GSTA3: variants seen among roughly 807,000 people sequenced by gnomAD.
The protein encoded by GSTA3 is glutathione S-transferase A3.
A neutral mutation model predicts 23.1 loss-of-function variants in GSTA3; 16 were observed. The observed-to-expected ratio is 0.69, with a 90% CI of 0.47 to 1.05. GSTA3 has a LOEUF of 1.05. GSTA3 is among the 50% of genes least tolerant of loss of function. The probability of loss-of-function intolerance (pLI) is 0.00; values close to 1 mark genes in which losing one functional copy is unlikely to be tolerated. For synonymous variants in GSTA3, 122 were observed against 91.0 expected, an observed-to-expected ratio of 1.34 and a Z score of -1.94; for missense variants, 319 against 263.6, an observed-to-expected ratio of 1.21 and a Z score of -1.46.
intron 3 of GSTA3, 32 bp downstream of exon 3, chr6:52,903,644 C>T (rs779097300): frequency 1.7e-6 from 2 of 1,209,406 alleles, no homozygotes; most frequent in Admixed American, 3.5e-5. Context: ...ACTAGATACC[C>T]TCATCAGAGG....
At chr6:52,905,914 G>A (rs1376713311) in intron 1 of GSTA3, 59 bp from the exon 2 acceptor site, 29 of 771,156 alleles carry the variant, frequency 3.8e-5, no homozygotes, top group Non-Finnish European at 6.0e-5. Flanking sequence ...GAAGCAAAAT[G>A]CACGCTAGTA....
intron 5 of GSTA3, 63 bp from the exon 6 acceptor site, chr6:52,898,019 C>A (rs1057135810): frequency 1.4e-5 from 23 of 1,588,960 alleles, no homozygotes; most frequent in Admixed American, 1.2e-4. Flanking sequence ...CCCTGCTTCT[C>A]CCTGAGTCTT....
intron 2 of GSTA3, among the ~76,000 whole-genome samples, 200 bp downstream of exon 2, chr6:52,905,548 C>T (rs1765862321): frequency 6.6e-6 from 1 of 151,460 alleles, no homozygotes; most frequent in Non-Finnish European, 1.5e-5. Flanking sequence ...TTCATGTGTT[C>T]TTTTTCATGT....
At chr6:52,905,620 A>T (rs1464168197) in intron 2 of GSTA3, 128 bp downstream of exon 2, 4 of 531,654 alleles carry the variant, frequency 7.5e-6, no homozygotes, top group South Asian at 7.1e-5. Context: ...TTAAAAAAAT[A>T]ACTGGGGATG....
chr6:52,898,365 T>C (rs1416966097), intron 5 of GSTA3, among the ~76,000 whole-genome samples: 4 of 152,154 alleles, frequency 2.6e-5, no homozygotes, highest in African/African-American at 7.2e-5. Context: ...TCCACCTTCA[T>C]GACAGCACTC....
rs1475058695 is a variant in GSTA3, at chr6:52,909,632, A to G, written c.-22+9T>C. ...AACATTTATGAAGATGTTTAAGGTCAATACTAACTTGAGTAAAGTCTAGCC... is the reference window on the plus strand; with the variant it reads ...AACATTTATGAAGATGTTTAAGGTCGATACTAACTTGAGTAAAGTCTAGCC... On this transcript the variant is annotated intron_variant, in intron 1 of 6. Transcript: ENST00000211122. The G allele has an allele frequency of 6.6e-6, 1 of 152,210 alleles. No individual in the cohort carries two copies. The highest frequency in any genetic ancestry group is 1.5e-5 in the Non-Finnish European group (1 of 68,048). The allele number at this position is 152,210 out of a possible 1,614,324, so 9.4% of individuals were successfully genotyped here.
At chr6:52,903,593 TC>T (rs1765775273) in intron 3 of GSTA3, 82 bp downstream of exon 3, 1,655 of 679,442 alleles carry the variant, frequency 2.4e-3, no homozygotes, top group Middle Eastern at 6.1e-3. Flanking sequence ...CGAGACTCCG[TC>T]AAAAAAAAAA....
Position 52,906,462 on chromosome 6 carries a change from T to A in GSTA3, c.-21-607A>T, listed in dbSNP as rs375166423. On this transcript the variant is annotated intron_variant, in intron 1 of 6. Coordinates refer to ENST00000211122, the MANE Select transcript of GSTA3 (RefSeq NM_000847.5). Reference sequence around the variant, plus strand: ...TTTCTTCACAGAATTGGAAAAAACTTCTTTAAAGTTCATATGGAACAAAAA... The same window carrying A: ...TTTCTTCACAGAATTGGAAAAAACTACTTTAAAGTTCATATGGAACAAAAA... Among the ~76,000 whole-genome samples the A allele has an allele frequency of 1.4e-4, 21 of 152,270 alleles. No individual in the cohort carries two copies. The East Asian group carries it at 2.9e-3, about 21-fold the overall frequency.
intron 6 of GSTA3, 146 bp downstream of exon 6, chr6:52,897,679 G>C: frequency 1.2e-6 from 1 of 806,954 alleles, no homozygotes; most frequent in Non-Finnish European, 2.1e-6. Context: ...TCAAAATTGG[G>C]GTCTGGAAGC....
chr6:52,907,717 G>T (rs13212114), intron 1 of GSTA3, among the ~76,000 whole-genome samples: 2 of 150,800 alleles, frequency 1.3e-5, no homozygotes, highest in South Asian at 2.1e-4. Flanking sequence ...GCAAACTATC[G>T]CAAGGACAAA....
intron 5 of GSTA3, 98 bp from the exon 6 acceptor site, chr6:52,898,054 T>C (rs1451277866): frequency 1.5e-6 from 2 of 1,363,574 alleles, no homozygotes; most frequent in African/African-American, 2.9e-5. Flanking sequence ...CCCACCTGTG[T>C]TGCCTAACTG....
chr6:52,901,646 G>C (rs1342705649), intron 4 of GSTA3, among the ~76,000 whole-genome samples: 1 of 152,238 alleles, frequency 6.6e-6, no homozygotes, highest in East Asian at 1.9e-4. Flanking sequence ...TATATACCTA[G>C]TAGAGGAATT....
intron 5 of GSTA3, among the ~76,000 whole-genome samples, chr6:52,899,634 A>T (rs186643691): frequency 9.9e-4 from 151 of 152,338 alleles, no homozygotes; most frequent in African/African-American, 3.5e-3. Flanking sequence ...AGCAACCTCT[A>T]GTGTGGTTCA....
intron 2 of GSTA3, 77 bp downstream of exon 2, chr6:52,905,671 G>A: frequency 1.2e-6 from 1 of 814,524 alleles, no homozygotes. Flanking sequence ...CATCTAGTAT[G>A]GAAGTCTCTT....
At chr6:52,908,914 G>A (rs549244479) in intron 1 of GSTA3, among the ~76,000 whole-genome samples, 2 of 152,052 alleles carry the variant, frequency 1.3e-5, no homozygotes, top group East Asian at 1.9e-4. Flanking sequence ...CAGATACTTC[G>A]AACAAGAAGG....
At chr6:52,903,273 T>C (rs754596822) in intron 3 of GSTA3, among the ~76,000 whole-genome samples, 16 of 151,930 alleles carry the variant, frequency 1.1e-4, no homozygotes, top group Non-Finnish European at 2.1e-4. Flanking sequence ...CACACACACA[T>C]AGGCATCGCC....
rs748956089 is a variant in GSTA3, at chr6:52,899,990, T to C, written c.358A>G (p.Lys120Glu). 2 of 1,614,084 alleles carry C rather than the reference T, an allele frequency of 1.2e-6. No homozygotes were observed. The highest frequency in any genetic ancestry group is 8.5e-7 in the Non-Finnish European group (1 of 1,179,946). The change falls in exon 5 of 7, where the codon AAG (lysine) becomes GAG (glutamate). Residue 120 changes from lysine (K) to glutamate (E), a missense_variant. Physicochemically the swap from Lys to Glu is moderately conservative, Grantham distance 56. Coordinates refer to ENST00000211122, the MANE Select transcript of GSTA3 (RefSeq NM_000847.5). ...PLCRPEEKDA[K>E]IALIKEKTKS... The stretch of plus-strand genomic sequence containing the variant: ...GTTTTCTCTTTGATCAAGGCAATCT[T>C]GGCATCTTTTTCCTCAGGTCGACAT...
intron 1 of GSTA3, among the ~76,000 whole-genome samples, chr6:52,906,894 T>G (rs968670736): frequency 6.6e-6 from 1 of 151,320 alleles, no homozygotes. Context: ...ACTCAGGACA[T>G]AGGCATGGGC....
At chr6:52,907,153 G>A (rs1480336124) in intron 1 of GSTA3, among the ~76,000 whole-genome samples, 1 of 127,552 alleles carries the variant, frequency 7.8e-6, no homozygotes, top group Non-Finnish European at 1.6e-5. Flanking sequence ...AGTGGGCGAA[G>A]GACATGAACA....
Sources: gnomAD v4.1 joint callset for allele counts (sites outside exome capture counted in the v4.1 genomes callset) on GRCh38, gnomAD v4.1.1 for gene constraint, MANE v1.5 for transcripts, NCBI Gene and HGNC (gene_info 2026-07-23, HGNC 2026-07-21) for gene names.